KLF5: variants seen among roughly 807,000 people sequenced by gnomAD.
The protein encoded by KLF5 is Krueppel-like factor 5.
KLF5 carries 9 observed loss-of-function variants against 36.9 expected under a neutral mutation model. The observed-to-expected ratio is 0.24, with a 90% confidence interval of 0.15 to 0.43. The LOEUF is 0.43. Among genes scored for constraint, KLF5 ranks in the 20% least tolerant of loss-of-function variants. KLF5 has a pLI of 1.00. For synonymous variants in KLF5, 246 were observed against 241.7 expected (o/e 1.02, Z -0.17); for missense variants, 524 against 599.5 (o/e 0.87, Z 1.31).
Position 73,075,939 on chromosome 13 carries a change from C to A in KLF5, c.*53C>A. ...CCCCTGGGCTCCCTCAAATGACAGACCTAACTATTCCTGTGTAAAAACAAC... is the reference window on the plus strand; with the variant it reads ...CCCCTGGGCTCCCTCAAATGACAGAACTAACTATTCCTGTGTAAAAACAAC... On this transcript the variant is annotated 3_prime_UTR_variant, in exon 4 of 4. Transcript: ENST00000377687. 3 of 1,360,848 alleles carry A rather than the reference C, an allele frequency of 2.2e-6. No homozygotes were observed. Among genetic ancestry groups the A allele is most frequent in the South Asian group, 1.8e-5 (1 of 54,420 alleles). The allele number at this position is 1,360,848 out of a possible 1,614,324, so 84.3% of individuals were successfully genotyped here.
At chr13:73,056,554 T>C (rs2044584663), upstream of KLF5, among the ~76,000 whole-genome samples, 1 of 152,222 alleles carries the variant, frequency 6.6e-6, no homozygotes, top group Admixed American at 6.5e-5. Context: ...TGAAACAGGT[T>C]TGCAGCTGTA....
In KLF5 at chr13:73,062,149, C is replaced by G. The variant is rs1198601329; in HGVS notation, c.550C>G (p.Gln184Glu). ...GACTGCCCCTCCTCCGGCCCCGACC[C>G]AGGCCCTCCCTGAGTTCACCAGTAT... ...ETTAPPPAPT[Q>E]ALPEFTSIFS... The change falls in exon 2 of 4, where the codon CAG becomes GAG. Residue 184 changes from glutamine to glutamate, a missense_variant. By Grantham distance (29) the Gln-to-Glu change is conservative (BLOSUM62 2). This residue lies in a region of KLF5 where 454 missense variants were observed against 458.1 expected (regional missense o/e 0.99). Coordinates refer to ENST00000377687, the MANE Select transcript of KLF5 (RefSeq NM_001730.5). 6.2e-7 allele frequency: 1 copy of G among 1,614,168 alleles called. No individual in the cohort carries two copies. The highest frequency in any genetic ancestry group is 2.2e-5 in the East Asian group (1 of 44,884).
At position 73,059,269 on chromosome 13, in the gene KLF5, G is replaced by A. The variant is rs2044609901; in HGVS notation, c.-59G>A. 9 of 1,281,962 alleles carry A rather than the reference G, an allele frequency of 7.0e-6. No homozygotes were observed. In the East Asian group the frequency reaches 9.5e-5, roughly 13 times the overall value. The allele number at this position is 1,281,962 out of a possible 1,614,324, so 79.4% of individuals were successfully genotyped here. The stretch of plus-strand genomic sequence containing the variant: ...GCGCTGAGCTCGCCGACCCAAGCCA[G>A]CGTGGGCGAGGTGGGAAGTGCGCCC... On this transcript the variant is annotated 5_prime_UTR_variant, in exon 1 of 4. Coordinates refer to ENST00000377687, the MANE Select transcript of KLF5 (RefSeq NM_001730.5).
chr13:73,076,473 G>GT lies in KLF5; in HGVS notation c.*593dup, dbSNP rs1303943029. The GT allele has an allele frequency of 3.9e-5, 6 of 152,532 alleles. No individual in the cohort carries two copies. Among genetic ancestry groups the GT allele is most frequent in the Non-Finnish European group, 7.4e-5 (5 of 68,012 alleles). 9.4% of individuals were successfully genotyped at this position (152,532 alleles called of 1,614,324 possible). ...AATCAGCTTTATAGGTTTATTACAA[G>GT]TTTTTTAGGATTCTTTTGGGGAAGA... On this transcript the variant is annotated 3_prime_UTR_variant, in exon 4 of 4. Coordinates refer to ENST00000377687, the MANE Select transcript of KLF5 (RefSeq NM_001730.5).
At chr13:73,058,972 T>G, upstream of KLF5, 1 of 176,766 alleles carries the variant, frequency 5.7e-6, no homozygotes, top group Non-Finnish European at 1.2e-5. Context: ...CCCCCGGAGT[T>G]GGGTGAAATA....
chr13:73,062,067 G>T lies in KLF5; in HGVS notation c.468G>T (p.Pro156=). Residue 156 remains proline (P), a synonymous_variant, in exon 2 of 4, where the codon CCG becomes CCT. Coordinates refer to ENST00000377687, the MANE Select transcript of KLF5 (RefSeq NM_001730.5). The stretch of plus-strand genomic sequence containing the variant: ...CTGGCCTCTACAAATCCCAGAGACC[G>T]TGCGTAACACACATCAAGACAGAAC... ...LRTGLYKSQR[P]CVTHIKTEPV... 6.2e-7 allele frequency: 1 copy of T among 1,614,012 alleles called. No homozygotes were observed. The highest frequency in any genetic ancestry group is 8.5e-7 in the Non-Finnish European group (1 of 1,180,002).
At chr13:73,060,157 T>TAAACA (rs2139101414) in intron 1 of KLF5, among the ~76,000 whole-genome samples, 1 of 116,688 alleles carries the variant, frequency 8.6e-6, no homozygotes, top group African/African-American at 3.3e-5. Flanking sequence ...TATTTTTCCT[T>TAAACA]AAAAAAAAAA....
In KLF5 at chr13:73,059,252, C is replaced by G. The variant is rs1042694781; in HGVS notation, c.-76C>G. On this transcript the variant is annotated 5_prime_UTR_variant, in exon 1 of 4. Transcript: ENST00000377687. ...CCTCCGCCGGCAGCCCCGCGCTGAGCTCGCCGACCCAAGCCAGCGTGGGCG... is the reference window on the plus strand; with the variant it reads ...CCTCCGCCGGCAGCCCCGCGCTGAGGTCGCCGACCCAAGCCAGCGTGGGCG... 3.5e-5 allele frequency: 44 copies of G among 1,249,578 alleles called. No homozygotes were observed. The highest frequency in any genetic ancestry group is 6.2e-4 in the Middle Eastern group (2 of 3,222). The allele number at this position is 1,249,578 out of a possible 1,614,324, so 77.4% of individuals were successfully genotyped here. A position where few individuals can be genotyped will look rare whatever the true frequency, so the allele number is the denominator to read the frequency against.
At chr13:73,065,182 G>C (rs2139108558) in intron 3 of KLF5, among the ~76,000 whole-genome samples, 1 of 152,310 alleles carries the variant, frequency 6.6e-6, no homozygotes, top group Non-Finnish European at 1.5e-5. Flanking sequence ...GTGAGGACTT[G>C]AATCTCCCGA....
intron 3 of KLF5, among the ~76,000 whole-genome samples, chr13:73,070,522 G>T (rs761278302): frequency 6.6e-6 from 1 of 152,136 alleles, no homozygotes; most frequent in African/African-American, 2.4e-5. Flanking sequence ...ATGTTTACTG[G>T]GAACCCAGAG....
chr13:73,070,455 G>A (rs1242009003), intron 3 of KLF5, among the ~76,000 whole-genome samples: 4 of 152,168 alleles, frequency 2.6e-5, no homozygotes, highest in East Asian at 3.8e-4. Flanking sequence ...ATCAGGAGAC[G>A]GAAGAATTGG....
intron 1 of KLF5, chr13:73,059,862 C>A: frequency 1.1e-6 from 1 of 942,864 alleles, no homozygotes; most frequent in Non-Finnish European, 1.3e-6. Context: ...GAACTGGGTG[C>A]TCACGCGCAC....
chr13:73,075,811 C>A lies in KLF5; in HGVS notation c.1299C>A (p.Phe433Leu). ...HYRKHTGAKPFQCGVCNRSFS... is the reference protein window; with the variant it reads ...HYRKHTGAKPLQCGVCNRSFS... The stretch of plus-strand genomic sequence containing the variant: ...GGAAGCACACAGGCGCCAAGCCCTT[C>A]CAGTGCGGGGTGTGCAACCGCAGCT... The change falls in exon 4 of 4, where the codon TTC becomes TTA. Residue 433 changes from phenylalanine to leucine, a missense_variant. Physicochemically the swap from Phe to Leu is conservative, Grantham distance 22. Around this residue, in one of 4 missense-constraint regions of KLF5, gnomAD observed 20 missense variants for 16.1 expected, o/e 1.24. Transcript: ENST00000377687. The A allele has an allele frequency of 1.2e-6, 2 of 1,613,464 alleles. No individual in the cohort carries two copies. The highest frequency in any genetic ancestry group is 1.7e-6 in the Non-Finnish European group (2 of 1,179,476).
Position 73,062,395 on chromosome 13 carries a change from C to A in KLF5, c.796C>A (p.His266Asn). 6.2e-7 allele frequency: 1 copy of A among 1,614,210 alleles called. No individual in the cohort carries two copies. The highest frequency in any genetic ancestry group is 1.6e-4 in the Middle Eastern group (1 of 6,062). The change falls in exon 2 of 4, where the codon CAC becomes AAC. Residue 266 changes from histidine to asparagine, a missense_variant. Coordinates refer to ENST00000377687, the MANE Select transcript of KLF5 (RefSeq NM_001730.5). ...AGCTGCCATGGCAGGCCTTAACACACACACCTCTGCTGTTCCGCAGACTGC... is the reference window on the plus strand; with the variant it reads ...AGCTGCCATGGCAGGCCTTAACACAAACACCTCTGCTGTTCCGCAGACTGC... ...MSAAMAGLNT[H>N]TSAVPQTAVK...
Position 73,059,158 on chromosome 13 carries a change from T to G in KLF5, c.-170T>G. The G allele has an allele frequency of 3.9e-6, 2 of 507,644 alleles. No individual in the cohort carries two copies. Among genetic ancestry groups the G allele is most frequent in the South Asian group, 7.2e-5 (1 of 13,888 alleles). 31.4% of individuals were successfully genotyped at this position (507,644 alleles called of 1,614,324 possible). On this transcript the variant is annotated 5_prime_UTR_variant, in exon 1 of 4. Transcript: ENST00000377687. ...GTTTACGTGTGGAAGAGCGGAAGAG[T>G]TTTGCTTTTCGTGCGCGCCTTCGAA...
rs1189869559 is a variant in KLF5 at position 73,059,239 on chromosome 13, GC to G, written c.-85del. 4 of 1,212,790 alleles carry G rather than the reference GC, an allele frequency of 3.3e-6. No individual in the cohort carries two copies. Among genetic ancestry groups the G allele is most frequent in the Non-Finnish European group, 1.0e-6 (1 of 960,908 alleles). 75.1% of individuals were successfully genotyped at this position (1,212,790 alleles called of 1,614,324 possible). On this transcript the variant is annotated 5_prime_UTR_variant, in exon 1 of 4. Coordinates refer to ENST00000377687, the MANE Select transcript of KLF5 (RefSeq NM_001730.5). ...CGAAACCTCCCCTCCTCCGCCGGCA[GC>G]CCCGCGCTGAGCTCGCCGACCCAAG...
At position 73,059,535 on chromosome 13, in the gene KLF5, C is replaced by A; in HGVS notation, c.208C>A (p.Pro70Thr). The change falls in exon 1 of 4, where the codon CCG (proline) becomes ACG (threonine). Residue 70 changes from proline (P) to threonine (T), a missense_variant. By Grantham distance (38) the Pro-to-Thr change is conservative. Around this residue, in one of 4 missense-constraint regions of KLF5, gnomAD observed 454 missense variants for 458.1 expected, o/e 0.99. Coordinates refer to ENST00000377687, the MANE Select transcript of KLF5 (RefSeq NM_001730.5). ...GCCCGCGCCCGCGCAGGCCCCGCAG[C>A]CGGCCCAGCCGCCCGCCACCGGCCC... ...AQPAPAQAPQ[P>T]AQPPATGPRL... 1 of 1,185,988 alleles carries A rather than the reference C, an allele frequency of 8.4e-7. No individual in the cohort carries two copies. Among genetic ancestry groups the A allele is most frequent in the East Asian group, 3.9e-5 (1 of 25,734 alleles). The allele number at this position is 1,185,988 out of a possible 1,614,324, so 73.5% of individuals were successfully genotyped here.
At chr13:73,069,225 G>T (rs1231107741) in intron 3 of KLF5, among the ~76,000 whole-genome samples, 1 of 152,162 alleles carries the variant, frequency 6.6e-6, no homozygotes, top group African/African-American at 2.4e-5. Flanking sequence ...TGGAACTGTG[G>T]GAAAAGGGTA....
chr13:73,073,249 G>T (rs1289971760), intron 3 of KLF5, among the ~76,000 whole-genome samples: 1 of 152,198 alleles, frequency 6.6e-6, no homozygotes, highest in Non-Finnish European at 1.5e-5. Flanking sequence ...TACTTGAACG[G>T]TGTTGACACT....
Sources: gnomAD v4.1 joint callset for allele counts (sites outside exome capture counted in the v4.1 genomes callset) on GRCh38, gnomAD v4.1.1 for gene constraint, gnomAD v4.1.1 regional missense constraint, MANE v1.5 for transcripts, NCBI Gene and HGNC (gene_info 2026-07-23, HGNC 2026-07-21) for gene names.